APBA2: variants seen among roughly 807,000 people sequenced by gnomAD.
APBA2 encodes the protein amyloid beta precursor protein binding family A member 2.
In APBA2, 30 loss-of-function variants were observed where a neutral mutation model predicts 75.0. The observed-to-expected ratio is 0.40, with a 90% CI of 0.30 to 0.54. The LOEUF is 0.54. Among genes scored for constraint, APBA2 ranks in the 20% least tolerant of loss-of-function variants. The pLI is 0.49. For missense variants in APBA2, 801 were observed against 1,016.1 expected (o/e 0.79, Z 2.88); for synonymous variants, 444 against 409.6 (o/e 1.08, Z -1.01).
intron 4 of APBA2, among the ~76,000 whole-genome samples, chr15:29,060,577 G>T (rs1240651415): frequency 6.6e-6 from 1 of 152,124 alleles, no homozygotes; most frequent in Non-Finnish European, 1.5e-5. Context: ...TGAAAGGCTT[G>T]GCGTGCCCTG....
chr15:28,928,748 A>G (rs1346724982), intron 2 of APBA2, among the ~76,000 whole-genome samples: 2 of 152,146 alleles, frequency 1.3e-5, no homozygotes, highest in Non-Finnish European at 2.9e-5. Context: ...CCTCTGCCAG[A>G]GTCACCAGGA....
chr15:28,995,872 T>A (rs2038488868), intron 3 of APBA2, 66 bp downstream of exon 3: 1 of 152,150 alleles, frequency 6.6e-6, no homozygotes, highest in Non-Finnish European at 1.5e-5. Context: ...GAGCGGACCG[T>A]TTCACTGGAG....
intron 6 of APBA2, among the ~76,000 whole-genome samples, chr15:29,089,944 A>G (rs1254530281): frequency 6.6e-6 from 1 of 152,194 alleles, no homozygotes; most frequent in African/African-American, 2.4e-5. Context: ...CCAAACATGT[A>G]GGGCTAGCTG....
chr15:29,052,547 A>G (rs2041653381), intron 3 of APBA2, among the ~76,000 whole-genome samples: 1 of 151,494 alleles, frequency 6.6e-6, no homozygotes, highest in Non-Finnish European at 1.5e-5. Flanking sequence ...CCCCCAGAAG[A>G]GAGAATAGCC....
intron 1 of APBA2, among the ~76,000 whole-genome samples, chr15:28,917,524 T>C (rs1385736681): frequency 6.6e-6 from 1 of 151,912 alleles, no homozygotes. Context: ...TTTTCAGCAG[T>C]TTTAGGTTTA....
At chr15:29,003,898 A>G (rs1462805327) in intron 3 of APBA2, among the ~76,000 whole-genome samples, 2 of 152,248 alleles carry the variant, frequency 1.3e-5, no homozygotes, top group African/African-American at 2.4e-5. Flanking sequence ...CTTTAATGAC[A>G]TGGACAGAAG....
At chr15:28,945,883 C>A (rs558190646) in intron 2 of APBA2, among the ~76,000 whole-genome samples, 6 of 152,072 alleles carry the variant, frequency 3.9e-5, no homozygotes, top group Non-Finnish European at 8.8e-5. Flanking sequence ...TGTTTACAGC[C>A]GTCTTAGATA....
intron 13 of APBA2, among the ~76,000 whole-genome samples, chr15:29,113,358 G>GC (rs2044850389): frequency 6.6e-6 from 1 of 152,072 alleles, no homozygotes; most frequent in Non-Finnish European, 1.5e-5. Context: ...TGGCGGGGGG[G>GC]GGATGTAGGA....
At position 29,117,520 on chromosome 15, in the gene APBA2, C is replaced by T. The variant is rs1050656621; in HGVS notation, c.*387C>T. The T allele has an allele frequency of 1.1e-5, 3 of 273,974 alleles. No homozygotes were observed. The highest frequency in any genetic ancestry group is 2.2e-5 in the African/African-American group (1 of 44,870). The allele number at this position is 273,974 out of a possible 1,614,324, so 17.0% of individuals were successfully genotyped here. A position where few individuals can be genotyped will look rare whatever the true frequency, so the allele number is the denominator to read the frequency against. On this transcript the variant is annotated 3_prime_UTR_variant, in exon 15 of 15. Transcript: ENST00000683413. ...GCGGCTCCCGGGGCAGGGCAGCCGT[C>T]ACCCCTGCCTCCCGCCCCCTTGGCT...
chr15:28,928,694 A>G (rs2034408695), intron 2 of APBA2, among the ~76,000 whole-genome samples: 1 of 152,152 alleles, frequency 6.6e-6, no homozygotes, highest in Admixed American at 6.5e-5. Context: ...CCTTTGTCCT[A>G]GAGAAGGCTC....
intron 3 of APBA2, among the ~76,000 whole-genome samples, chr15:29,028,212 C>T (rs1368233820): frequency 6.6e-6 from 1 of 151,438 alleles, no homozygotes; most frequent in Admixed American, 6.6e-5. Context: ...TCCATGTTTT[C>T]TCAGTGTTCA....
rs137873950 is a variant in APBA2, at chr15:28,934,516, G to A, written c.-95+12767G>A. ...TAGTGACCAGTGACATCCCCACAGG[G>A]TCTAGGTGTGCGAGGTCTATTGGCG... On this transcript the variant is annotated intron_variant, in intron 2 of 14. Transcript: ENST00000683413. Among the ~76,000 whole-genome samples, 423 of 152,328 alleles carry A rather than the reference G, an allele frequency of 2.8e-3. 2 individuals carry two copies. Among genetic ancestry groups the A allele is most frequent in the African/African-American group, 9.8e-3 (409 of 41,572 alleles).
chr15:28,933,368 G>A (rs1056729617), intron 2 of APBA2, among the ~76,000 whole-genome samples: 12 of 152,172 alleles, frequency 7.9e-5, no homozygotes, highest in Non-Finnish European at 1.5e-4. Flanking sequence ...AGAAGCTGCC[G>A]TCTCTGAGCC....
chr15:29,009,849 A>G (rs1010801919), intron 3 of APBA2, among the ~76,000 whole-genome samples: 11 of 152,288 alleles, frequency 7.2e-5, no homozygotes, highest in African/African-American at 2.6e-4. Context: ...GTTTTGGGTC[A>G]TGATTGCTGC....
At chr15:28,983,317 C>A (rs757024515) in intron 2 of APBA2, among the ~76,000 whole-genome samples, 2 of 152,070 alleles carry the variant, frequency 1.3e-5, no homozygotes, top group Non-Finnish European at 2.9e-5. Flanking sequence ...CATTTCCTTG[C>A]CTTCATTTTC....
At position 29,114,024 on chromosome 15, in the gene APBA2, G is replaced by T; in HGVS notation, c.2178+8G>T. On this transcript the variant is annotated splice_region_variant and intron_variant, in intron 14 of 14. Transcript: ENST00000683413. ...TCCAACTCGGTCGGAGAGGTAAGGA[G>T]GGACTTTGAGTGTGCCTCTGCATGC... 1 of 1,613,730 alleles carries T rather than the reference G, an allele frequency of 6.2e-7. No homozygotes were observed. Among genetic ancestry groups the T allele is most frequent in the Non-Finnish European group, 8.5e-7 (1 of 1,180,040 alleles).
chr15:29,040,965 A>G (rs943183733), intron 3 of APBA2, among the ~76,000 whole-genome samples: 1 of 152,208 alleles, frequency 6.6e-6, no homozygotes, highest in Non-Finnish European at 1.5e-5. Flanking sequence ...ACCATGTTCC[A>G]TGAGGTAAAA....
chr15:28,957,977 G>A (rs2036263874), intron 2 of APBA2, among the ~76,000 whole-genome samples: 1 of 152,210 alleles, frequency 6.6e-6, no homozygotes, highest in Non-Finnish European at 1.5e-5. Context: ...GAAGTCAGAG[G>A]AGCCGAGACA....
chr15:28,983,963 C>T (rs1157104026), intron 2 of APBA2, among the ~76,000 whole-genome samples: 1 of 152,204 alleles, frequency 6.6e-6, no homozygotes, highest in African/African-American at 2.4e-5. Context: ...CCCTGCCCTG[C>T]CCTGCCCCAG....
Sources: allele counts gnomAD v4.1 joint callset (sites outside exome capture counted in the v4.1 genomes callset), GRCh38; gene constraint gnomAD v4.1.1; transcripts MANE v1.5; gene names NCBI Gene and HGNC (gene_info 2026-07-23, HGNC 2026-07-21).